The following LEPR variants were observed in gnomAD, a reference collection of about 807,000 sequenced individuals.
LEPR encodes leptin receptor.
A neutral mutation model predicts 114.7 loss-of-function variants in LEPR; 56 were observed. The ratio of observed to expected loss-of-function variants is 0.49; its 90% CI spans 0.39 to 0.61. LEPR has a LOEUF of 0.61. Ranked by LOEUF, LEPR falls within the 20% of genes least tolerant of loss-of-function variation. The pLI is 0.00. For missense variants in LEPR, 1,202 were observed against 1,352.9 expected, an observed-to-expected ratio of 0.89 and a Z score of 1.75; for synonymous variants, 443 against 461.4, an observed-to-expected ratio of 0.96 and a Z score of 0.51.
intron 1 of LEPR, chr1:65,421,561 C>A: frequency 1.5e-6 from 2 of 1,307,156 alleles, no homozygotes; most frequent in Non-Finnish European, 2.1e-6. Context: ...AAGATATCCC[C>A]AGTTAACATC....
chr1:65,636,648 C>T lies in LEPR; in HGVS notation c.3131C>T (p.Pro1044Leu), dbSNP rs1245942250. Reference sequence around the variant, plus strand: ...TTTTTTATATTATCAGATCAGCATCCCAACATAATTTCACCACACCTCACA... The same window carrying T: ...TTTTTTATATTATCAGATCAGCATCTCAACATAATTTCACCACACCTCACA... ...QAFFILSDQHPNIISPHLTFS... is the reference protein window; with the variant it reads ...QAFFILSDQHLNIISPHLTFS... Residue 1044 changes from proline (P) to leucine (L), a missense_variant, in exon 20 of 20, where the codon CCC (proline) becomes CTC (leucine). Pro to Leu is a moderately conservative substitution (Grantham distance 98). Transcript: ENST00000349533. 5.6e-6 allele frequency: 9 copies of T among 1,610,438 alleles called. No homozygotes were observed. Among genetic ancestry groups the T allele is most frequent in the Non-Finnish European group, 7.6e-6 (9 of 1,177,894 alleles).
At chr1:65,604,746 C>G (rs1281991639) in intron 10 of LEPR, among the ~76,000 whole-genome samples, 2 of 152,210 alleles carry the variant, frequency 1.3e-5, no homozygotes, top group Non-Finnish European at 2.9e-5. Context: ...GCTCCACCTC[C>G]TGTCAGATCA....
At chr1:65,620,068 C>T (rs1450895295) in intron 17 of LEPR, 45 bp downstream of exon 17, 1 of 1,441,332 alleles carries the variant, frequency 6.9e-7, no homozygotes, top group Non-Finnish European at 9.7e-7. Context: ...ATGTGTGTGC[C>T]TAATTTGTTT....
At chr1:65,515,755 T>G (rs1455797421) in intron 2 of LEPR, among the ~76,000 whole-genome samples, 1 of 152,246 alleles carries the variant, frequency 6.6e-6, no homozygotes, top group Non-Finnish European at 1.5e-5. Flanking sequence ...TATCGTATTG[T>G]ATAATGAGCA....
intron 8 of LEPR, 149 bp from the exon 9 acceptor site, chr1:65,601,243 T>A (rs1034926467): frequency 1.6e-5 from 15 of 952,450 alleles, no homozygotes; most frequent in Non-Finnish European, 2.2e-5. Flanking sequence ...CACAAACAGG[T>A]AATTTCAGCA....
chr1:65,627,662 C>T (rs1324012198), intron 19 of LEPR, among the ~76,000 whole-genome samples: 1 of 152,060 alleles, frequency 6.6e-6, no homozygotes, highest in African/African-American at 2.4e-5. Context: ...TATAAGAATA[C>T]TCATAGCAGT....
intron 2 of LEPR, among the ~76,000 whole-genome samples, chr1:65,558,501 G>GTTTTTTTTT (rs781558613): frequency 1.3e-4 from 3 of 23,160 alleles, no homozygotes; most frequent in African/African-American, 2.1e-4. Context: ...GTTTCTTAAT[G>GTTTTTTTTT]TTTTTTTTTT....
intron 2 of LEPR, among the ~76,000 whole-genome samples, chr1:65,517,196 G>A (rs888455781): frequency 6.6e-6 from 1 of 152,186 alleles, no homozygotes; most frequent in Admixed American, 6.5e-5. Context: ...TATAGATACT[G>A]GTGGTTCCTG....
At chr1:65,482,668 A>G (rs1647277125) in intron 2 of LEPR, among the ~76,000 whole-genome samples, 1 of 152,160 alleles carries the variant, frequency 6.6e-6, no homozygotes, top group African/African-American at 2.4e-5. Context: ...CCATGAACAT[A>G]GATATCAATT....
intron 2 of LEPR, among the ~76,000 whole-genome samples, chr1:65,551,755 A>G (rs1652386829): frequency 6.6e-6 from 1 of 151,832 alleles, no homozygotes; most frequent in Admixed American, 6.6e-5. Flanking sequence ...TAGCTTTTGA[A>G]TTTGTCTGCT....
At chr1:65,546,281 G>A (rs1231102395) in intron 2 of LEPR, among the ~76,000 whole-genome samples, 1 of 152,160 alleles carries the variant, frequency 6.6e-6, no homozygotes, top group Non-Finnish European at 1.5e-5. Context: ...GGATTGACTT[G>A]GCGATGCGGG....
intron 2 of LEPR, among the ~76,000 whole-genome samples, chr1:65,509,250 T>C (rs1648909690): frequency 6.6e-6 from 1 of 152,142 alleles, no homozygotes; most frequent in South Asian, 2.1e-4. Context: ...TGAGAGTGGA[T>C]ATCCTTGCCC....
rs1403491991 is a variant in LEPR at position 65,601,398 on chromosome 1, T to C, written c.1001T>C (p.Ile334Thr). 1.2e-6 allele frequency: 2 copies of C among 1,612,690 alleles called. No individual in the cohort carries two copies. The highest frequency in any genetic ancestry group is 1.1e-5 in the South Asian group (1 of 91,034). The change falls in exon 9 of 20, where the codon ATA becomes ACA. Residue 334 changes from isoleucine (I) to threonine (T), a missense_variant. Ile to Thr is a moderately conservative substitution (Grantham distance 89, BLOSUM62 -1). Transcript: ENST00000349533. The part of the protein sequence containing the change: ...TPRVFTTQDV[I>T]YFPPKILTSV... ...CTTTCTTCCCTCATTACAGATGTCA[T>C]ATACTTTCCACCTAAAATTCTGACA...
At chr1:65,463,950 T>C (rs1338919016) in intron 2 of LEPR, among the ~76,000 whole-genome samples, 1 of 152,200 alleles carries the variant, frequency 6.6e-6, no homozygotes, top group East Asian at 1.9e-4. Flanking sequence ...TTTCTAAATA[T>C]ACAATCATGT....
At chr1:65,467,109 G>A (rs1283453164) in intron 2 of LEPR, among the ~76,000 whole-genome samples, 1 of 152,078 alleles carries the variant, frequency 6.6e-6, no homozygotes, top group Non-Finnish European at 1.5e-5. Flanking sequence ...GAGAAGAGGC[G>A]CTCTATTTTT....
At chr1:65,518,432 A>G (rs1319755982) in intron 2 of LEPR, among the ~76,000 whole-genome samples, 1 of 152,088 alleles carries the variant, frequency 6.6e-6, no homozygotes, top group Non-Finnish European at 1.5e-5. Flanking sequence ...GTGACTGAAT[A>G]CTGATTTTTA....
chr1:65,540,129 G>T (rs955524880), intron 2 of LEPR, among the ~76,000 whole-genome samples: 34 of 152,156 alleles, frequency 2.2e-4, no homozygotes, highest in African/African-American at 7.5e-4. Context: ...GATATTACAT[G>T]TGCAGACCAA....
At position 65,633,139 on chromosome 1, in the gene LEPR, T is replaced by G; in HGVS notation, c.2674-3052T>G. ...ATTTTGCTTTCTTATTTTGTTTTAT[T>G]TTATCTAAACAGAGAACGGACATTC... On this transcript the variant is annotated intron_variant, in intron 19 of 19. Coordinates refer to ENST00000349533, the MANE Select transcript of LEPR (RefSeq NM_002303.6). This position sits in a 1 kb window ranked among gnomAD's most constrained non-coding sequence, Gnocchi z 4.1. 6.4e-7 allele frequency: 1 copy of G among 1,551,286 alleles called. No homozygotes were observed. The highest frequency in any genetic ancestry group is 1.1e-5 in the South Asian group (1 of 89,626).
chr1:65,491,330 A>T (rs1336456664), intron 2 of LEPR, among the ~76,000 whole-genome samples: 1 of 152,108 alleles, frequency 6.6e-6, no homozygotes, highest in African/African-American at 2.4e-5. Context: ...AAGATCAAAG[A>T]ACTCTAACCA....
Sources: gnomAD v4.1 joint callset for allele counts (sites outside exome capture counted in the v4.1 genomes callset) on GRCh38, gnomAD v4.1.1 for gene constraint, Gnocchi (gnomAD v3.1) non-coding constraint, MANE v1.5 for transcripts, NCBI Gene and HGNC (gene_info 2026-07-23, HGNC 2026-07-21) for gene names.